CDH12: variants seen among roughly 807,000 people sequenced by gnomAD.
CDH12 encodes cadherin-12.
In CDH12, 41 loss-of-function variants were observed where a neutral mutation model predicts 74.1. The ratio of observed to expected loss-of-function variants is 0.55; its 90% confidence interval spans 0.43 to 0.72. The LOEUF is 0.72. Among genes scored for constraint, CDH12 ranks in the 30% least tolerant of loss-of-function variants. The pLI is 0.00. For missense variants in CDH12, 945 were observed against 977.2 expected (o/e 0.97, Z 0.44); for synonymous variants, 399 against 355.0 (o/e 1.12, Z -1.39).
chr5:21,842,185 C>T lies in CDH12; in HGVS notation c.790G>A (p.Asp264Asn). ...CTTTTGGGGAATCGAGGTGGATTGT[C>T]ATTGACATCGGTGAGAGTGATGTTG... is the stretch of plus-strand genomic sequence containing the variant. ...IVNITLTDVN[D>N]NPPRFPKSIF... Residue 264 changes from aspartate (D) to asparagine (N), a missense_variant, in exon 8 of 15, where the codon GAC becomes AAC. By Grantham distance (23) the Asp-to-Asn change is conservative. This residue lies in a region of CDH12 where 791 missense variants were observed against 792.8 expected (regional missense o/e 1.00). Coordinates refer to ENST00000382254, the MANE Select transcript of CDH12 (RefSeq NM_004061.5). 1 of 1,611,802 alleles carries T rather than the reference C, an allele frequency of 6.2e-7. No homozygotes were observed. The highest frequency in any genetic ancestry group is 2.2e-5 in the East Asian group (1 of 44,804).
intron 4 of CDH12, among the ~76,000 whole-genome samples, chr5:22,085,861 TA>T (rs1743028857): frequency 6.6e-6 from 1 of 152,222 alleles, no homozygotes; most frequent in Admixed American, 6.5e-5. Context: ...AAATGCATTA[TA>T]ATCAGTAAAT....
chr5:22,558,412 G>T (rs960710749), intron 1 of CDH12, among the ~76,000 whole-genome samples: 1 of 152,054 alleles, frequency 6.6e-6, no homozygotes, highest in Non-Finnish European at 1.5e-5. Context: ...AATATTTGGA[G>T]AAAAATAAGG....
Position 22,162,096 on chromosome 5 carries a change from A to T in CDH12, c.-187+50402T>A, listed in dbSNP as rs569013570. ...TCAGTCACCCTTTACACAGTTTTTC[A>T]TCCTACAGCATACCCAAAGGGCTGA... On this transcript the variant is annotated intron_variant, in intron 4 of 14. Transcript: ENST00000382254. 9.3e-5 allele frequency among the ~76,000 whole-genome samples: 14 copies of T among 150,574 alleles called. No homozygotes were observed. In the East Asian group the frequency reaches 2.7e-3, roughly 29 times the overall value.
At chr5:22,537,355 T>A (rs1737897315) in intron 1 of CDH12, among the ~76,000 whole-genome samples, 1 of 152,170 alleles carries the variant, frequency 6.6e-6, no homozygotes, top group South Asian at 2.1e-4. Flanking sequence ...ACAATATGTT[T>A]ATGAAGTCTT....
At chr5:22,331,030 T>A (rs1242117920) in intron 3 of CDH12, among the ~76,000 whole-genome samples, 3 of 151,768 alleles carry the variant, frequency 2.0e-5, no homozygotes, top group Admixed American at 6.6e-5. Context: ...TCCCCATGGG[T>A]TGTTGTTGGT....
chr5:21,988,471 G>C (rs1280969596), intron 5 of CDH12, among the ~76,000 whole-genome samples: 2 of 116,072 alleles, frequency 1.7e-5, no homozygotes, highest in Admixed American at 1.3e-4. Flanking sequence ...CAGCCTGGGC[G>C]ACAGAGCGAG....
chr5:22,530,927 C>A (rs1737556720), intron 1 of CDH12, among the ~76,000 whole-genome samples: 1 of 151,838 alleles, frequency 6.6e-6, no homozygotes, highest in South Asian at 2.1e-4. Context: ...CATTGCTGAA[C>A]AAGGACTATC....
At chr5:22,546,371 T>A (rs943435194) in intron 1 of CDH12, among the ~76,000 whole-genome samples, 1 of 152,188 alleles carries the variant, frequency 6.6e-6, no homozygotes, top group Admixed American at 6.5e-5. Context: ...ATACCAGCAC[T>A]GAGTCTAGCG....
chr5:22,811,995 G>T (rs1441284128), intron 1 of CDH12, among the ~76,000 whole-genome samples: 2 of 151,974 alleles, frequency 1.3e-5, no homozygotes, highest in Non-Finnish European at 1.5e-5. Flanking sequence ...TGGCTCTTTA[G>T]GGGCAAATAA....
chr5:22,105,311 T>A (rs932274467), intron 4 of CDH12, among the ~76,000 whole-genome samples: 1 of 151,250 alleles, frequency 6.6e-6, no homozygotes, highest in Admixed American at 6.6e-5. Flanking sequence ...GCCAGGATGG[T>A]CTTGATCTCC....
chr5:22,126,948 T>C (rs750498044), intron 4 of CDH12, among the ~76,000 whole-genome samples: 2 of 152,170 alleles, frequency 1.3e-5, no homozygotes, highest in Non-Finnish European at 2.9e-5. Flanking sequence ...ATACGTCTTA[T>C]GGGAAAAACA....
chr5:22,239,800 G>A (rs1362005940), intron 3 of CDH12, among the ~76,000 whole-genome samples: 3 of 152,138 alleles, frequency 2.0e-5, no homozygotes, highest in Admixed American at 6.5e-5. Context: ...GAGCTAGTTG[G>A]TATAAGATAA....
At chr5:22,146,994 T>A (rs1747231123) in intron 4 of CDH12, among the ~76,000 whole-genome samples, 1 of 152,142 alleles carries the variant, frequency 6.6e-6, no homozygotes, top group African/African-American at 2.4e-5. Flanking sequence ...TGGACATATA[T>A]TATAAATGTA....
chr5:22,594,665 T>G (rs1736511996), intron 1 of CDH12, among the ~76,000 whole-genome samples: 2 of 152,158 alleles, frequency 1.3e-5, no homozygotes, highest in Admixed American at 6.5e-5. Context: ...AAGAAGTAGC[T>G]GAAATGAGCA....
At chr5:22,423,522 T>C (rs773324111) in intron 2 of CDH12, among the ~76,000 whole-genome samples, 2 of 152,194 alleles carry the variant, frequency 1.3e-5, no homozygotes, top group Admixed American at 1.3e-4. Flanking sequence ...GTGGGATAGG[T>C]CTATTGTAGA....
At chr5:22,295,390 A>G (rs142678227) in intron 3 of CDH12, among the ~76,000 whole-genome samples, 10 of 152,302 alleles carry the variant, frequency 6.6e-5, no homozygotes, top group African/African-American at 2.4e-4. Flanking sequence ...TGCACACAAT[A>G]CTACAGTAAA....
chr5:22,562,631 A>C (rs1435919016), intron 1 of CDH12, among the ~76,000 whole-genome samples: 1 of 151,904 alleles, frequency 6.6e-6, no homozygotes. Flanking sequence ...AAAGAAATCA[A>C]AAAGGAAATC....
At chr5:22,672,015 GAAAT>G (rs1389098493) in intron 1 of CDH12, among the ~76,000 whole-genome samples, 2 of 137,750 alleles carry the variant, frequency 1.5e-5, no homozygotes, top group Non-Finnish European at 3.1e-5. Context: ...TTATATATAT[GAAAT>G]ATATATAAAT....
At chr5:22,204,176 GTTTT>G (rs1172824728) in intron 4 of CDH12, among the ~76,000 whole-genome samples, 1 of 139,654 alleles carries the variant, frequency 7.2e-6, no homozygotes, top group African/African-American at 2.7e-5. Flanking sequence ...TTTTTTTTTT[GTTTT>G]TTGTTTTTTT....
Sources: gnomAD v4.1 joint callset for allele counts (sites outside exome capture counted in the v4.1 genomes callset) on GRCh38, gnomAD v4.1.1 for gene constraint, gnomAD v4.1.1 regional missense constraint, MANE v1.5 for transcripts, NCBI Gene and HGNC (gene_info 2026-07-23, HGNC 2026-07-21) for gene names.